The following SH3PXD2A variants were observed in gnomAD, a reference collection of about 807,000 sequenced individuals.
The protein encoded by SH3PXD2A is SH3 and PX domain-containing protein 2A.
A neutral mutation model predicts 115.2 loss-of-function variants in SH3PXD2A; 32 were observed. That is an observed-to-expected ratio of 0.28 (90% confidence interval 0.21 to 0.37). The LOEUF (loss-of-function observed/expected upper bound fraction) is 0.37. SH3PXD2A is among the 10% of genes least tolerant of loss of function. SH3PXD2A has a pLI of 1.00. For synonymous variants in SH3PXD2A, 610 were observed against 629.1 expected, an observed-to-expected ratio of 0.97 and a Z score of 0.45; for missense variants, 1,328 against 1,498.7, an observed-to-expected ratio of 0.89 and a Z score of 1.88.
intron 9 of SH3PXD2A, among the ~76,000 whole-genome samples, chr10:103,625,338 C>T (rs1592269462): frequency 6.6e-6 from 1 of 152,266 alleles, no homozygotes; most frequent in South Asian, 2.1e-4. Flanking sequence ...TGCCCTAGAG[C>T]TGCCTGTACT....
intron 3 of SH3PXD2A, among the ~76,000 whole-genome samples, chr10:103,753,022 G>A (rs888475754): frequency 1.3e-5 from 2 of 151,418 alleles, no homozygotes; most frequent in African/African-American, 2.4e-5. Context: ...CCTCTAATAT[G>A]TATATATATA....
chr10:103,833,229 GA>G (rs955514550), intron 1 of SH3PXD2A, among the ~76,000 whole-genome samples: 1 of 152,092 alleles, frequency 6.6e-6, no homozygotes, highest in Non-Finnish European at 1.5e-5. Flanking sequence ...CCATAAGTGG[GA>G]AAAAATGCAA....
intron 1 of SH3PXD2A, among the ~76,000 whole-genome samples, chr10:103,815,091 GA>G (rs1412326555): frequency 6.6e-6 from 1 of 152,130 alleles, no homozygotes; most frequent in African/African-American, 2.4e-5. Context: ...ATGCGAGAGA[GA>G]AAACTATTAA....
intron 5 of SH3PXD2A, among the ~76,000 whole-genome samples, chr10:103,708,658 C>T (rs1275158148): frequency 6.6e-6 from 1 of 152,166 alleles, no homozygotes; most frequent in African/African-American, 2.4e-5. Flanking sequence ...CTTACTGATG[C>T]CTTCTAGTGT....
At chr10:103,770,723 A>T (rs1283326293) in intron 2 of SH3PXD2A, among the ~76,000 whole-genome samples, 1 of 152,040 alleles carries the variant, frequency 6.6e-6, no homozygotes, top group Non-Finnish European at 1.5e-5. Flanking sequence ...GGGATGACTG[A>T]CAGGGGGACC....
At chr10:103,838,807 T>C (rs549225187) in intron 1 of SH3PXD2A, among the ~76,000 whole-genome samples, 8 of 152,244 alleles carry the variant, frequency 5.3e-5, no homozygotes, top group Non-Finnish European at 1.0e-4. Context: ...TGACTTTTTT[T>C]TCTTTTTGAG....
In SH3PXD2A at chr10:103,602,961, T is replaced by C; in HGVS notation, c.2257A>G (p.Lys753Glu). ...AATGGCTTGGGCCGGACCGATGGCT[T>C]GGCCCGGGGACAGGAGGTCAGCCCA... ...NAGLTSCPRA[K>E]PSVRPKPFLN... The change falls in exon 15 of 15, where the codon AAG (lysine) becomes GAG (glutamate). Residue 753 changes from lysine (K) to glutamate (E), a missense_variant. By Grantham distance (56) the Lys-to-Glu change is moderately conservative (BLOSUM62 1). Coordinates refer to ENST00000369774, the MANE Select transcript of SH3PXD2A (RefSeq NM_001394015.1). The C allele has an allele frequency of 6.2e-7, 1 of 1,614,222 alleles. No homozygotes were observed. The highest frequency in any genetic ancestry group is 1.3e-5 in the African/African-American group (1 of 75,062).
In SH3PXD2A at chr10:103,596,163, AC is replaced by A. The variant is rs2036128729; in HGVS notation, c.*5652del. ...AGTTCTCACCCCAACCACCTGACCC[AC>A]CCTCTGAAACAAGGACGAAAGGGCT... is the stretch of plus-strand genomic sequence containing the variant. On this transcript the variant is annotated 3_prime_UTR_variant, in exon 15 of 15. Transcript: ENST00000369774. The A allele has an allele frequency of 6.6e-6, 1 of 152,056 alleles. No individual in the cohort carries two copies. The allele number at this position is 152,056 out of a possible 1,614,324, so 9.4% of individuals were successfully genotyped here.
chr10:103,698,275 G>C (rs1565706), intron 5 of SH3PXD2A, among the ~76,000 whole-genome samples: 51,041 of 152,138 alleles, frequency 0.34, 8,766 homozygotes, highest in Non-Finnish European at 0.37. Context: ...CTGCCAGGTG[G>C]AGTTCTGCTG....
chr10:103,668,519 A>G, intron 7 of SH3PXD2A, 89 bp downstream of exon 7: 1 of 1,117,500 alleles, frequency 8.9e-7, no homozygotes, highest in Admixed American at 2.0e-5. Flanking sequence ...ATCACAGGGA[A>G]GCATGCGCAG....
chr10:103,837,131 T>A (rs2039552305), intron 1 of SH3PXD2A, among the ~76,000 whole-genome samples: 1 of 152,338 alleles, frequency 6.6e-6, no homozygotes. Flanking sequence ...TAGAAGCTGT[T>A]GTACTTATCA....
intron 5 of SH3PXD2A, among the ~76,000 whole-genome samples, chr10:103,719,051 T>A (rs2038144355): frequency 6.6e-6 from 1 of 152,190 alleles, no homozygotes; most frequent in Non-Finnish European, 1.5e-5. Context: ...AGACACTGAA[T>A]CTGCTGGTGC....
At chr10:103,677,959 G>T in intron 6 of SH3PXD2A, 1 of 471,812 alleles carries the variant, frequency 2.1e-6, no homozygotes, top group Non-Finnish European at 4.1e-6. Flanking sequence ...AGGCATACAG[G>T]CCTGGCTTGT....
chr10:103,790,167 T>C (rs2039020716), intron 2 of SH3PXD2A, among the ~76,000 whole-genome samples: 1 of 151,826 alleles, frequency 6.6e-6, no homozygotes, highest in African/African-American at 2.4e-5. Flanking sequence ...TTCTTTTTTT[T>C]TTTTTGAGAT....
chr10:103,651,735 A>G (rs2037126982), intron 8 of SH3PXD2A, among the ~76,000 whole-genome samples: 1 of 152,216 alleles, frequency 6.6e-6, no homozygotes, highest in African/African-American at 2.4e-5. Flanking sequence ...TGTGATTCAG[A>G]AAGAGATCAC....
At chr10:103,667,393 G>C (rs2037397396) in intron 7 of SH3PXD2A, among the ~76,000 whole-genome samples, 2 of 152,218 alleles carry the variant, frequency 1.3e-5, no homozygotes, top group South Asian at 4.1e-4. Context: ...GACTGGGACT[G>C]CTGGCCCCTC....
Position 103,627,252 on chromosome 10 carries a change from A to G in SH3PXD2A, c.605-50T>C. The G allele has an allele frequency of 1.7e-6, 2 of 1,163,674 alleles. No homozygotes were observed. Among genetic ancestry groups the G allele is most frequent in the Non-Finnish European group, 2.6e-6 (2 of 775,702 alleles). The allele number at this position is 1,163,674 out of a possible 1,614,324, so 72.1% of individuals were successfully genotyped here. On this transcript the variant is annotated intron_variant, in intron 8 of 14. Coordinates refer to ENST00000369774, the MANE Select transcript of SH3PXD2A (RefSeq NM_001394015.1). This position sits in a 1 kb window ranked among gnomAD's most constrained non-coding sequence, Gnocchi z 4.4. ...GGACTGTGAGATTCTGCAGGGTGGC[A>G]GGGGTGGCTCGGGGGCCAGGACAAG... is the stretch of plus-strand genomic sequence containing the variant.
chr10:103,629,882 G>A (rs1005685318), intron 8 of SH3PXD2A, among the ~76,000 whole-genome samples: 1 of 152,244 alleles, frequency 6.6e-6, no homozygotes, highest in Non-Finnish European at 1.5e-5. Context: ...CCTGGGGAGA[G>A]GAGGGGAGGA....
chr10:103,674,464 C>G (rs1207994537), intron 6 of SH3PXD2A, among the ~76,000 whole-genome samples: 1 of 152,202 alleles, frequency 6.6e-6, no homozygotes, highest in East Asian at 1.9e-4. Flanking sequence ...ACAGTGAAAG[C>G]CACGTGAATG....
Sources: allele counts gnomAD v4.1 joint callset (sites outside exome capture counted in the v4.1 genomes callset), GRCh38; gene constraint gnomAD v4.1.1; non-coding constraint Gnocchi (gnomAD v3.1); transcripts MANE v1.5; gene names NCBI Gene and HGNC (gene_info 2026-07-23, HGNC 2026-07-21).